ADARB2: variants seen among roughly 807,000 people sequenced by gnomAD.
ADARB2 encodes the protein adenosine deaminase RNA specific B2 (inactive).
In ADARB2, 25 loss-of-function variants were observed where a neutral mutation model predicts 62.2. The ratio of observed to expected loss-of-function variants is 0.40; its 90% CI spans 0.29 to 0.56. The LOEUF is 0.56. ADARB2 is among the 20% of genes least tolerant of loss of function. The pLI is 0.43. For synonymous variants in ADARB2, 572 were observed against 500.8 expected (o/e 1.14, Z -1.90); for missense variants, 1,071 against 1,077.4 (o/e 0.99, Z 0.08).
At chr10:1,527,702 G>A (rs1832166812) in intron 1 of ADARB2, among the ~76,000 whole-genome samples, 1 of 152,158 alleles carries the variant, frequency 6.6e-6, no homozygotes, top group Admixed American at 6.6e-5. Context: ...TAAGACGGGG[G>A]TCAGATAGTC....
At chr10:1,407,605 C>T (rs898677773) in intron 1 of ADARB2, among the ~76,000 whole-genome samples, 8 of 152,178 alleles carry the variant, frequency 5.3e-5, no homozygotes, top group South Asian at 2.1e-4. Flanking sequence ...CCAGGAGTCC[C>T]GGCTGCCCTT....
At chr10:1,657,501 G>A (rs1834186700) in intron 1 of ADARB2, among the ~76,000 whole-genome samples, 1 of 152,120 alleles carries the variant, frequency 6.6e-6, no homozygotes, top group South Asian at 2.1e-4. Flanking sequence ...CTTGGCCTCA[G>A]ACAGATTATG....
chr10:1,418,362 C>G (rs570833994), intron 1 of ADARB2, among the ~76,000 whole-genome samples: 1 of 152,170 alleles, frequency 6.6e-6, no homozygotes, highest in Admixed American at 6.5e-5. Context: ...TGCTCTGTCC[C>G]GGGCAGTCCC....
rs369451951 is a variant in ADARB2, at chr10:1,215,390, C to G, written c.1682+1561G>C. On this transcript the variant is annotated intron_variant, in intron 7 of 9. Coordinates refer to ENST00000381312, the MANE Select transcript of ADARB2 (RefSeq NM_018702.4). ...AGATCGTGCTGTGGTTGTAGGGAGC[C>G]CAGGACCCCATGGGCACAAAAGCCT... Among the ~76,000 whole-genome samples, 124 of 152,316 alleles carry G rather than the reference C, an allele frequency of 8.1e-4. 2 individuals carry two copies. The South Asian group carries it at 0.016, about 19-fold the overall frequency.
At chr10:1,248,888 G>A (rs1412572125) in intron 4 of ADARB2, among the ~76,000 whole-genome samples, 3 of 152,190 alleles carry the variant, frequency 2.0e-5, no homozygotes, top group South Asian at 2.1e-4. Flanking sequence ...TGTAGAATTC[G>A]ACTGAACCTT....
chr10:1,646,508 C>T (rs758240035), intron 1 of ADARB2, among the ~76,000 whole-genome samples: 1 of 152,176 alleles, frequency 6.6e-6, no homozygotes, highest in African/African-American at 2.4e-5. Flanking sequence ...GGAAGGGCAG[C>T]GGCTTTAGCC....
intron 1 of ADARB2, among the ~76,000 whole-genome samples, chr10:1,665,340 A>G (rs1834302199): frequency 6.6e-6 from 1 of 152,258 alleles, no homozygotes; most frequent in African/African-American, 2.4e-5. Flanking sequence ...GCAGACACTG[A>G]GCGTGGCTGG....
intron 1 of ADARB2, among the ~76,000 whole-genome samples, chr10:1,379,417 T>C (rs1832462402): frequency 6.6e-6 from 1 of 152,184 alleles, no homozygotes; most frequent in African/African-American, 2.4e-5. Flanking sequence ...ATCTTGCCCA[T>C]GTCCCTTAAA....
At chr10:1,389,783 A>T (rs915306737) in intron 1 of ADARB2, among the ~76,000 whole-genome samples, 13 of 148,964 alleles carry the variant, frequency 8.7e-5, no homozygotes, top group African/African-American at 3.2e-4. Flanking sequence ...AAATAAATAA[A>T]TAATAAATAA....
chr10:1,445,641 T>C (rs1478039460), intron 1 of ADARB2, among the ~76,000 whole-genome samples: 1 of 152,266 alleles, frequency 6.6e-6, no homozygotes, highest in Non-Finnish European at 1.5e-5. Flanking sequence ...TATAGAACCA[T>C]GCTCTTAAAA....
chr10:1,510,049 T>C (rs1214729668), intron 1 of ADARB2, among the ~76,000 whole-genome samples: 3 of 151,446 alleles, frequency 2.0e-5, no homozygotes, highest in African/African-American at 4.8e-5. Context: ...TTTCTCTCTC[T>C]TCTCTCTCTC....
At chr10:1,510,110 C>CTTTCTTTCTTTTTTCTTTCTTTCTTTCTT (rs1289777469) in intron 1 of ADARB2, among the ~76,000 whole-genome samples, 2 of 106,184 alleles carry the variant, frequency 1.9e-5, no homozygotes, top group African/African-American at 7.2e-5. Context: ...CTTTCTTTCT[C>CTTTCTTTCTTTTTTCTTTCTTTCTTTCTT]TCTTTCTTTC....
chr10:1,734,725 G>A (rs1239541578), intron 1 of ADARB2, among the ~76,000 whole-genome samples: 1 of 152,154 alleles, frequency 6.6e-6, no homozygotes, highest in East Asian at 1.9e-4. Flanking sequence ...GCACCTAATA[G>A]AGCCACACTA....
chr10:1,510,162 T>A (rs1490211739), intron 1 of ADARB2, among the ~76,000 whole-genome samples: 6 of 146,848 alleles, frequency 4.1e-5, no homozygotes, highest in African/African-American at 1.5e-4. Flanking sequence ...CTTTCTTTCT[T>A]TCTTTCTTTT....
chr10:1,315,596 G>A (rs1831732015), intron 3 of ADARB2, among the ~76,000 whole-genome samples: 1 of 152,232 alleles, frequency 6.6e-6, no homozygotes, highest in Admixed American at 6.5e-5. Context: ...CGGAAGCCAG[G>A]AAGGGAGGTG....
intron 1 of ADARB2, among the ~76,000 whole-genome samples, chr10:1,566,907 G>T (rs1044401284): frequency 2.0e-5 from 3 of 152,000 alleles, no homozygotes; most frequent in Non-Finnish European, 4.4e-5. Flanking sequence ...CACTATAATT[G>T]ACTTAAAATT....
intron 1 of ADARB2, among the ~76,000 whole-genome samples, chr10:1,439,278 A>T (rs1830872018): frequency 7.9e-6 from 1 of 126,236 alleles, no homozygotes; most frequent in East Asian, 2.6e-4. Context: ...TCCTCAGCAG[A>T]TGGAGGCAGG....
intron 1 of ADARB2, among the ~76,000 whole-genome samples, chr10:1,396,590 C>A (rs866129558): frequency 6.8e-6 from 1 of 147,602 alleles, no homozygotes; most frequent in Non-Finnish European, 1.5e-5. Flanking sequence ...CTCCCGAGTG[C>A]AGGCTTCCTG....
rs554766542 is a variant in ADARB2 at position 1,664,678 on chromosome 10, G to C, written c.100+72373C>G. Reference sequence around the variant, plus strand: ...AGTGCACTAGCCTCCCTCAATTTCTGACAAGTAGCTGAAGACTGGGGAGAT... The same window carrying C: ...AGTGCACTAGCCTCCCTCAATTTCTCACAAGTAGCTGAAGACTGGGGAGAT... On this transcript the variant is annotated intron_variant, in intron 1 of 9. Transcript: ENST00000381312. 1.6e-4 allele frequency among the ~76,000 whole-genome samples: 24 copies of C among 152,258 alleles called. No homozygotes were observed. In the South Asian group the frequency reaches 5.0e-3, roughly 32 times the overall value.
Sources: allele counts gnomAD v4.1 joint callset (sites outside exome capture counted in the v4.1 genomes callset), GRCh38; gene constraint gnomAD v4.1.1; transcripts MANE v1.5; gene names NCBI Gene and HGNC (gene_info 2026-07-23, HGNC 2026-07-21).